Variants in ZFHX3 observed in about 807,000 individuals in gnomAD.
The protein encoded by ZFHX3 is zinc finger homeobox protein 3.
Under a neutral mutation model 279.1 loss-of-function variants are expected in ZFHX3, and 42 were observed. The observed-to-expected ratio is 0.15, with a 90% confidence interval of 0.12 to 0.19. The LOEUF is 0.19. Among genes scored for constraint, ZFHX3 ranks in the 10% least tolerant of loss-of-function variants. The pLI is 1.00. For missense variants in ZFHX3, 4,981 were observed against 4,754.0 expected (o/e 1.05, Z -1.40); for synonymous variants, 2,293 against 1,957.8 (o/e 1.17, Z -4.52).
chr16:73,574,985 C>T (rs1305820014), intron 2 of ZFHX3, among the ~76,000 whole-genome samples: 2 of 152,188 alleles, frequency 1.3e-5, no homozygotes, highest in Non-Finnish European at 2.9e-5. Context: ...GTTTAACTTT[C>T]AAGCTACCAC....
At chr16:73,560,662 T>C (rs2020356196) in intron 2 of ZFHX3, among the ~76,000 whole-genome samples, 1 of 152,224 alleles carries the variant, frequency 6.6e-6, no homozygotes, top group Admixed American at 6.5e-5. Context: ...AGCAGCAGGC[T>C]GTGAACTACC....
In ZFHX3 at chr16:72,795,697, G is replaced by A. The variant is rs1286076155; in HGVS notation, c.6985C>T (p.Gln2329Ter). 6.2e-7 allele frequency: 1 copy of A among 1,614,076 alleles called. No individual in the cohort carries two copies. The highest frequency in any genetic ancestry group is 8.5e-7 in the Non-Finnish European group (1 of 1,180,014). Residue 2329 changes from glutamine (Q) to a stop codon, truncating the protein, a stop_gained, in exon 9 of 10, where the codon CAG (glutamine) becomes TAG (stop). Transcript: ENST00000268489. LOFTEE classifies it high-confidence loss of function. ...AACACCAGGCTACATTTTTTGCACTGGTAGTTCAAGTTGCTTGTTCGAATG... is the reference window on the plus strand; with the variant it reads ...AACACCAGGCTACATTTTTTGCACTAGTAGTTCAAGTTGCTTGTTCGAATG... ...RYIRTSNLNY[Q>*]CKKCSLVFQR...
rs138813847 is a variant in ZFHX3 at position 73,405,392 on chromosome 16, G to T, written c.-1291+50611C>A. On this transcript the variant is annotated intron_variant, in intron 3 of 17. Transcript: ENST00000641206. ...AATAACATAAAAAAGGAAGGCCAGG[G>T]TGCTCTCCAAACAGAACCCAGATCT... Among the ~76,000 whole-genome samples the T allele has an allele frequency of 1.0e-3, 159 of 152,204 alleles. 1 individual carries two copies. In the East Asian group the frequency reaches 0.03, roughly 28 times the overall value.
chr16:73,287,165 T>C (rs1047233955), intron 4 of ZFHX3, among the ~76,000 whole-genome samples: 4 of 143,524 alleles, frequency 2.8e-5, no homozygotes, highest in African/African-American at 1.1e-4. Context: ...AGTGTGTGGG[T>C]TGCTGTGTGG....
intron 2 of ZFHX3, among the ~76,000 whole-genome samples, chr16:73,497,710 T>C (rs1478860383): frequency 1.3e-5 from 2 of 152,048 alleles, no homozygotes; most frequent in Non-Finnish European, 2.9e-5. Flanking sequence ...TCCCTGGGAA[T>C]CCTGGGAACA....
chr16:73,454,213 A>C (rs1390809643), intron 3 of ZFHX3, among the ~76,000 whole-genome samples: 1 of 152,184 alleles, frequency 6.6e-6, no homozygotes, highest in Non-Finnish European at 1.5e-5. Context: ...AATAGATAAG[A>C]GAAACATTCT....
At chr16:73,728,192 C>CGA (rs1466424946) in intron 1 of ZFHX3, among the ~76,000 whole-genome samples, 2 of 151,352 alleles carry the variant, frequency 1.3e-5, no homozygotes, top group Non-Finnish European at 2.9e-5. Context: ...TTGGATTTCT[C>CGA]GAGAGAGAGA....
rs559176998 is a variant in ZFHX3 at position 73,188,758 on chromosome 16, C to T, written c.-1103-44927G>A. On this transcript the variant is annotated intron_variant, in intron 5 of 17. Transcript: ENST00000641206. Reference sequence around the variant, plus strand: ...ACCTGAGAGAGAAAATGTTAGATTCCCAGGGGTAGGATTTGTTTAGTTTCA... The same window carrying T: ...ACCTGAGAGAGAAAATGTTAGATTCTCAGGGGTAGGATTTGTTTAGTTTCA... Among the ~76,000 whole-genome samples, 3 of 152,250 alleles carry T rather than the reference C, an allele frequency of 2.0e-5. No individual in the cohort carries two copies. In the South Asian group the frequency reaches 6.2e-4, roughly 32 times the overall value.
intron 5 of ZFHX3, among the ~76,000 whole-genome samples, chr16:73,255,033 G>T (rs1055862710): frequency 6.6e-6 from 1 of 152,118 alleles, no homozygotes; most frequent in African/African-American, 2.4e-5. Flanking sequence ...ACATCAAAAT[G>T]GTAGCAGCAG....
intron 5 of ZFHX3, among the ~76,000 whole-genome samples, chr16:72,824,684 A>T (rs1291976752): frequency 6.6e-6 from 1 of 152,198 alleles, no homozygotes; most frequent in East Asian, 1.9e-4. Context: ...TCTTGCTATG[A>T]TTCTTTGCCA....
chr16:73,778,666 C>G (rs938724914), intron 1 of ZFHX3, among the ~76,000 whole-genome samples: 2 of 152,188 alleles, frequency 1.3e-5, no homozygotes, highest in African/African-American at 4.8e-5. Context: ...CTCTGCACAG[C>G]GCTAAATTCT....
intron 1 of ZFHX3, among the ~76,000 whole-genome samples, chr16:72,978,512 AC>A (rs1031384997): frequency 3.3e-5 from 5 of 152,114 alleles, no homozygotes; most frequent in African/African-American, 1.2e-4. Context: ...CCACTCCCTG[AC>A]CGAGGTCTCG....
Position 72,821,461 on chromosome 16 carries a change from C to A in ZFHX3, c.3529+8318G>T, listed in dbSNP as rs367924542. ...TGAGTTCCCACATTCAGCTCACTCA[C>A]AGCGCTCCAAAGGCCTAGGATAAGT... On this transcript the variant is annotated intron_variant, in intron 5 of 9. Coordinates refer to ENST00000268489, the MANE Select transcript of ZFHX3 (RefSeq NM_006885.4). 2.0e-5 allele frequency among the ~76,000 whole-genome samples: 3 copies of A among 152,336 alleles called. No individual in the cohort carries two copies. The East Asian group carries it at 5.8e-4, about 29-fold the overall frequency.
At chr16:73,354,946 T>C (rs968181354) in intron 3 of ZFHX3, among the ~76,000 whole-genome samples, 9 of 152,220 alleles carry the variant, frequency 5.9e-5, no homozygotes, top group Non-Finnish European at 1.0e-4. Context: ...ACAAAGAGGA[T>C]TGATTGGCCT....
At chr16:73,515,817 T>C (rs986691093) in intron 2 of ZFHX3, among the ~76,000 whole-genome samples, 9 of 152,210 alleles carry the variant, frequency 5.9e-5, no homozygotes, top group Admixed American at 2.0e-4. Context: ...TTTGATCATC[T>C]GACCAGCTGT....
intron 1 of ZFHX3, among the ~76,000 whole-genome samples, chr16:73,806,325 T>C (rs570647248): frequency 1.3e-5 from 2 of 152,054 alleles, no homozygotes; most frequent in Non-Finnish European, 2.9e-5. Context: ...GGCCTAGAGA[T>C]AGGAACATGA....
chr16:73,801,352 A>T (rs1412640509), intron 1 of ZFHX3, among the ~76,000 whole-genome samples: 1 of 152,204 alleles, frequency 6.6e-6, no homozygotes, highest in East Asian at 1.9e-4. Flanking sequence ...TGAACGAATA[A>T]ATGAAACAAT....
chr16:73,251,177 G>C (rs866540361), intron 5 of ZFHX3, among the ~76,000 whole-genome samples: 28 of 152,292 alleles, frequency 1.8e-4, no homozygotes, highest in South Asian at 6.2e-4. Context: ...AATCCTCTGA[G>C]ACCTCTCACA....
chr16:72,975,499 A>T (rs1428129576), intron 1 of ZFHX3, among the ~76,000 whole-genome samples: 1 of 152,122 alleles, frequency 6.6e-6, no homozygotes. Flanking sequence ...AAGAGAGGGG[A>T]TCATGAAACG....
Sources: allele counts gnomAD v4.1 joint callset (sites outside exome capture counted in the v4.1 genomes callset), GRCh38; gene constraint gnomAD v4.1.1; transcripts MANE v1.5; gene names NCBI Gene and HGNC (gene_info 2026-07-23, HGNC 2026-07-21).